LRP1B: variants seen among roughly 807,000 people sequenced by gnomAD.
LRP1B encodes the protein low-density lipoprotein receptor-related protein 1B.
A neutral mutation model predicts 556.6 loss-of-function variants in LRP1B; 217 were observed. The ratio of observed to expected loss-of-function variants is 0.39; its 90% CI spans 0.35 to 0.44. The LOEUF (loss-of-function observed/expected upper bound fraction) is 0.44. Among genes scored for constraint, LRP1B ranks in the 20% least tolerant of loss-of-function variants. LRP1B has a pLI of 1.00. For missense variants in LRP1B, 5,053 were observed against 5,620.8 expected (o/e 0.90, Z 3.23); for synonymous variants, 2,047 against 1,865.8 (o/e 1.10, Z -2.50).
intron 63 of LRP1B, among the ~76,000 whole-genome samples, chr2:140,449,009 C>A (rs1398726375): frequency 6.6e-6 from 1 of 151,878 alleles, no homozygotes; most frequent in East Asian, 1.9e-4. Flanking sequence ...ATTTGATGAC[C>A]ATATATTCTG....
chr2:141,658,571 C>T (rs1346173917), intron 2 of LRP1B, among the ~76,000 whole-genome samples: 1 of 152,168 alleles, frequency 6.6e-6, no homozygotes, highest in Non-Finnish European at 1.5e-5. Context: ...TTTCATCTTA[C>T]CTGTCGGGTG....
intron 2 of LRP1B, among the ~76,000 whole-genome samples, chr2:141,648,514 A>T (rs1373978045): frequency 6.6e-6 from 1 of 152,092 alleles, no homozygotes; most frequent in Non-Finnish European, 1.5e-5. Flanking sequence ...CTGTTCAGAC[A>T]TTTATCACAG....
intron 46 of LRP1B, among the ~76,000 whole-genome samples, chr2:140,534,488 A>C (rs1479038011): frequency 6.6e-6 from 1 of 152,200 alleles, no homozygotes; most frequent in African/African-American, 2.4e-5. Context: ...AAATGTAACA[A>C]AAACACACCA....
At chr2:140,762,744 A>T (rs912837063) in intron 35 of LRP1B, among the ~76,000 whole-genome samples, 2 of 152,202 alleles carry the variant, frequency 1.3e-5, no homozygotes, top group Admixed American at 1.3e-4. Context: ...CAAATTAAAT[A>T]ACTTTCCTTT....
chr2:140,879,502 A>T lies in LRP1B; in HGVS notation c.4169+4315T>A, dbSNP rs6717289. On this transcript the variant is annotated intron_variant, in intron 25 of 90. Coordinates refer to ENST00000389484, the MANE Select transcript of LRP1B (RefSeq NM_018557.3). The stretch of plus-strand genomic sequence containing the variant: ...ACTTTTTATAAATAACATGTTATAG[A>T]ATTAGTCACCCTAGAAGTGTTCTTA... Among the ~76,000 whole-genome samples, 292 of 152,268 alleles carry T rather than the reference A, an allele frequency of 1.9e-3. 2 individuals are homozygous for T. The highest frequency in any genetic ancestry group is 6.7e-3 in the African/African-American group (279 of 41,568).
chr2:141,419,579 C>T (rs533088863), intron 3 of LRP1B, among the ~76,000 whole-genome samples: 15 of 152,176 alleles, frequency 9.9e-5, no homozygotes, highest in Non-Finnish European at 1.8e-4. Flanking sequence ...TGCTCATAGT[C>T]TCTTATAAAC....
chr2:140,688,144 TG>T (rs147513329), intron 41 of LRP1B, among the ~76,000 whole-genome samples: 2,106 of 152,262 alleles, frequency 0.014, 39 homozygotes, highest in South Asian at 0.05. Flanking sequence ...ATCAGCCAAT[TG>T]TTTTTTTACA....
intron 66 of LRP1B, among the ~76,000 whole-genome samples, chr2:140,405,074 C>A (rs116809763): frequency 0.02 from 3,106 of 152,218 alleles, 37 homozygotes; most frequent in African/African-American, 0.028. Context: ...CCAAAAGGAA[C>A]CCTCAAAACT....
At chr2:141,722,755 T>TAGAC (rs1362003630) in intron 2 of LRP1B, among the ~76,000 whole-genome samples, 1 of 151,918 alleles carries the variant, frequency 6.6e-6, no homozygotes, top group Non-Finnish European at 1.5e-5. Context: ...GATAGATAGA[T>TAGAC]AGATAGATAG....
intron 11 of LRP1B, among the ~76,000 whole-genome samples, chr2:141,032,887 G>A (rs1475518434): frequency 6.9e-6 from 1 of 144,782 alleles, no homozygotes; most frequent in Non-Finnish European, 1.5e-5. Context: ...CTTAGAAAAT[G>A]TTTGCATCCC....
intron 82 of LRP1B, among the ~76,000 whole-genome samples, chr2:140,321,523 T>TA (rs1335750480): frequency 2.6e-5 from 4 of 152,042 alleles, no homozygotes; most frequent in Admixed American, 6.6e-5. Context: ...GAGAAGAAGC[T>TA]AAAATTTGGT....
chr2:142,015,795 C>A (rs759227679), intron 1 of LRP1B, among the ~76,000 whole-genome samples: 3 of 151,654 alleles, frequency 2.0e-5, no homozygotes, highest in Non-Finnish European at 2.9e-5. Context: ...CGATCGAGAC[C>A]ATCCTGGCTA....
intron 3 of LRP1B, among the ~76,000 whole-genome samples, chr2:141,282,839 G>A (rs1573751237): frequency 6.6e-6 from 1 of 152,132 alleles, no homozygotes; most frequent in African/African-American, 2.4e-5. Flanking sequence ...TCTTCAAATG[G>A]TAAGTAGTAG....
At chr2:141,857,635 C>T (rs1698104283) in intron 1 of LRP1B, among the ~76,000 whole-genome samples, 1 of 152,104 alleles carries the variant, frequency 6.6e-6, no homozygotes, top group Non-Finnish European at 1.5e-5. Flanking sequence ...CAGCACCCGA[C>T]CCCTCTCCAT....
chr2:141,840,935 A>G (rs1286693312), intron 1 of LRP1B, among the ~76,000 whole-genome samples: 2 of 106,888 alleles, frequency 1.9e-5, no homozygotes, highest in Admixed American at 9.6e-5. Flanking sequence ...ATCTAGGGAA[A>G]AAAAAAAAAA....
chr2:142,072,706 C>T (rs960666932), intron 1 of LRP1B, among the ~76,000 whole-genome samples: 1 of 151,958 alleles, frequency 6.6e-6, no homozygotes, highest in Non-Finnish European at 1.5e-5. Context: ...ACACCCCTGA[C>T]TTAAATGATT....
In LRP1B at chr2:141,464,233, T is replaced by C. The variant is rs1259040481; in HGVS notation, c.343+16163A>G. 5.3e-5 allele frequency among the ~76,000 whole-genome samples: 8 copies of C among 152,178 alleles called. No homozygotes were observed. The East Asian group carries it at 1.5e-3, about 29-fold the overall frequency. ...TTGCTAAAAACGAGAGAAAAATGTA[T>C]GAGTGAGCAATATACATAGGGAATT... On this transcript the variant is annotated intron_variant, in intron 3 of 90. Transcript: ENST00000389484.
At chr2:141,959,035 C>T (rs1440219558) in intron 1 of LRP1B, among the ~76,000 whole-genome samples, 1 of 151,960 alleles carries the variant, frequency 6.6e-6, no homozygotes, top group Non-Finnish European at 1.5e-5. Flanking sequence ...ATTAATCAGC[C>T]TTACCATCTA....
At chr2:141,236,110 T>C (rs1048659508) in intron 5 of LRP1B, among the ~76,000 whole-genome samples, 3 of 152,128 alleles carry the variant, frequency 2.0e-5, no homozygotes, top group Non-Finnish European at 4.4e-5. Context: ...GTAGGAAGTA[T>C]AAATTTCCCA....
Sources: gnomAD v4.1 joint callset for allele counts (sites outside exome capture counted in the v4.1 genomes callset) on GRCh38, gnomAD v4.1.1 for gene constraint, MANE v1.5 for transcripts, NCBI Gene and HGNC (gene_info 2026-07-23, HGNC 2026-07-21) for gene names.